Variants in RYR2 observed in about 807,000 individuals in gnomAD.
The protein encoded by RYR2 is cardiac muscle ryanodine receptor-calcium release channel.
A neutral mutation model predicts 601.1 loss-of-function variants in RYR2; 227 were observed. The observed-to-expected ratio is 0.38, with a 90% confidence interval of 0.34 to 0.42. The LOEUF (loss-of-function observed/expected upper bound fraction) is 0.42, where lower values mean the gene tolerates loss of function less well. Ranked by LOEUF, RYR2 falls within the 10% of genes least tolerant of loss-of-function variation. The pLI is 1.00. For synonymous variants in RYR2, 2,223 were observed against 2,175.1 expected, an observed-to-expected ratio of 1.02 and a Z score of -0.61; for missense variants, 4,646 against 6,156.5, an observed-to-expected ratio of 0.75 and a Z score of 8.21.
rs766799590 is a variant in RYR2 at position 237,461,728 on chromosome 1, TA to T, written c.1612+5007del. On this transcript the variant is annotated intron_variant, in intron 16 of 104. Coordinates refer to ENST00000366574, the MANE Select transcript of RYR2 (RefSeq NM_001035.3). ...ACTGAATGTACTAATTACAGTTGAG[TA>T]AAAAAAAAAAAAACATTTATATATT... Among the ~76,000 whole-genome samples, 1,227 of 137,352 alleles carry T rather than the reference TA, an allele frequency of 8.9e-3. 5 individuals carry two copies. Among genetic ancestry groups the T allele is most frequent in the Non-Finnish European group, 9.5e-3 (597 of 62,912 alleles). 90.1% of individuals were successfully genotyped at this position (137,352 alleles called of 152,430 possible).
At chr1:237,646,385 T>C (rs1212970488) in intron 48 of RYR2, among the ~76,000 whole-genome samples, 1 of 152,082 alleles carries the variant, frequency 6.6e-6, no homozygotes, top group Non-Finnish European at 1.5e-5. Flanking sequence ...GTGGAGAATG[T>C]AGACAGAAAC....
At position 237,500,800 on chromosome 1, in the gene RYR2, A is replaced by G. The variant is rs748603282; in HGVS notation, c.2293A>G (p.Ser765Gly). ...ISCCLDLSAP[S>G]ISFRINGQPV... ...TTGCTGTTTAGATCTGAGTGCCCCA[A>G]GCATCTCGTTCCGAATTAATGGACA... Residue 765 changes from serine (S) to glycine (G), a missense_variant, in exon 21 of 105, where the codon AGC becomes GGC. Ser to Gly is a moderately conservative substitution (Grantham distance 56). Coordinates refer to ENST00000366574, the MANE Select transcript of RYR2 (RefSeq NM_001035.3). 1 of 1,614,018 alleles carries G rather than the reference A, an allele frequency of 6.2e-7. No individual in the cohort carries two copies. Among genetic ancestry groups the G allele is most frequent in the South Asian group, 1.1e-5 (1 of 91,086 alleles).
intron 92 of RYR2, among the ~76,000 whole-genome samples, chr1:237,789,577 G>A (rs867612330): frequency 7.3e-6 from 1 of 136,632 alleles, no homozygotes; most frequent in African/African-American, 3.2e-5. Context: ...ATGGCTGCAG[G>A]TATAGTTCTA....
intron 63 of RYR2, among the ~76,000 whole-genome samples, chr1:237,694,045 A>G (rs1027955000): frequency 1.3e-5 from 2 of 152,204 alleles, no homozygotes; most frequent in African/African-American, 4.8e-5. Flanking sequence ...CTGTAATCCC[A>G]GCACTCTGGG....
intron 1 of RYR2, among the ~76,000 whole-genome samples, chr1:237,090,972 A>C (rs1666887825): frequency 6.6e-6 from 1 of 152,228 alleles, no homozygotes; most frequent in Non-Finnish European, 1.5e-5. Flanking sequence ...TAAACCAGTT[A>C]AATGAAAATT....
At chr1:237,689,450 C>T (rs1686745364) in intron 63 of RYR2, among the ~76,000 whole-genome samples, 1 of 152,150 alleles carries the variant, frequency 6.6e-6, no homozygotes, top group Non-Finnish European at 1.5e-5. Flanking sequence ...GGATTCTTTT[C>T]AGCTGTTCTT....
chr1:237,367,034 T>C (rs1400481689), intron 5 of RYR2, among the ~76,000 whole-genome samples: 1 of 152,220 alleles, frequency 6.6e-6, no homozygotes, highest in East Asian at 1.9e-4. Context: ...CAAAGTAGAT[T>C]TTTCCCTTTT....
At chr1:237,728,337 C>T (rs1184646305) in intron 76 of RYR2, among the ~76,000 whole-genome samples, 1 of 152,170 alleles carries the variant, frequency 6.6e-6, no homozygotes, top group Non-Finnish European at 1.5e-5. Context: ...TCTCAATTCT[C>T]TGACTCAATT....
chr1:237,662,610 T>A (rs563329219), intron 56 of RYR2, among the ~76,000 whole-genome samples: 1 of 152,316 alleles, frequency 6.6e-6, no homozygotes, highest in East Asian at 1.9e-4. Context: ...ACAAAAATTA[T>A]GTACTCTAAT....
At chr1:237,465,940 T>A (rs1660041612) in intron 16 of RYR2, among the ~76,000 whole-genome samples, 1 of 152,244 alleles carries the variant, frequency 6.6e-6, no homozygotes, top group South Asian at 2.1e-4. Context: ...TTATGCAGCA[T>A]ATGAAGTAGT....
At chr1:237,358,362 C>T (rs1699478625) in intron 4 of RYR2, among the ~76,000 whole-genome samples, 1 of 152,038 alleles carries the variant, frequency 6.6e-6, no homozygotes, top group Admixed American at 6.6e-5. Context: ...GTTCCTCACG[C>T]CCTACTTGGT....
chr1:237,402,927 C>T (rs892810492), intron 10 of RYR2, among the ~76,000 whole-genome samples: 1 of 142,558 alleles, frequency 7.0e-6, no homozygotes, highest in Non-Finnish European at 1.6e-5. Context: ...TCCTTCCCCC[C>T]AAAAAAGATT....
intron 1 of RYR2, among the ~76,000 whole-genome samples, chr1:237,178,466 G>T (rs188276101): frequency 5.4e-3 from 642 of 118,870 alleles, no homozygotes; most frequent in African/African-American, 0.019. Flanking sequence ...GTGTGTGTGT[G>T]TGTTTAAAAG....
At chr1:237,188,712 C>T (rs2148987870) in intron 1 of RYR2, among the ~76,000 whole-genome samples, 1 of 152,092 alleles carries the variant, frequency 6.6e-6, no homozygotes, top group East Asian at 1.9e-4. Flanking sequence ...ATTACAGGTG[C>T]CCACCACCAC....
At chr1:237,802,163 G>A (rs948573259) in intron 98 of RYR2, 6 of 307,554 alleles carry the variant, frequency 2.0e-5, no homozygotes, top group African/African-American at 8.5e-5. Context: ...TTGTGAGTAC[G>A]TTCATTAAGG....
chr1:237,614,723 G>C lies in RYR2; in HGVS notation c.5595G>C (p.Glu1865Asp). 1 of 1,614,036 alleles carries C rather than the reference G, an allele frequency of 6.2e-7. No homozygotes were observed. Residue 1865 changes from glutamate (E) to aspartate (D), a missense_variant, in exon 37 of 105, where the codon GAG (glutamate) becomes GAC (aspartate). Coordinates refer to ENST00000366574, the MANE Select transcript of RYR2 (RefSeq NM_001035.3). This position sits in a 1 kb window ranked among gnomAD's most constrained non-coding sequence, Gnocchi z 4.3. ...ATPEEESDTL[E>D]KELSVDDAKL... ...CGGAGGAGGAGAGTGACACGCTGGA[G>C]AAAGAGCTCAGTGTGGACGATGCAA...
chr1:237,387,219 G>A, intron 8 of RYR2, 62 bp from the exon 9 acceptor site: 1 of 1,414,758 alleles, frequency 7.1e-7, no homozygotes, highest in Non-Finnish European at 1.0e-6. Context: ...ATTCCTAGAA[G>A]CACTTACATG....
At chr1:237,081,621 G>GCACA (rs1377723551) in intron 1 of RYR2, among the ~76,000 whole-genome samples, 1 of 150,934 alleles carries the variant, frequency 6.6e-6, no homozygotes, top group African/African-American at 2.4e-5. Flanking sequence ...ACACACATAC[G>GCACA]CACACACTCT....
At chr1:237,509,208 C>T (rs1448275799) in intron 23 of RYR2, among the ~76,000 whole-genome samples, 1 of 152,066 alleles carries the variant, frequency 6.6e-6, no homozygotes, top group Non-Finnish European at 1.5e-5. Context: ...TGTTAGCACC[C>T]GCACCTTTCC....
Sources: allele counts gnomAD v4.1 joint callset (sites outside exome capture counted in the v4.1 genomes callset), GRCh38; gene constraint gnomAD v4.1.1; non-coding constraint Gnocchi (gnomAD v3.1); transcripts MANE v1.5; gene names NCBI Gene and HGNC (gene_info 2026-07-23, HGNC 2026-07-21).